Variants in CBLB observed in about 807,000 individuals in gnomAD.
The protein encoded by CBLB is Cbl proto-oncogene B.
Under a neutral mutation model 104.9 loss-of-function variants are expected in CBLB, and 31 were observed. The observed-to-expected ratio is 0.30, with a 90% CI of 0.22 to 0.40. The LOEUF (loss-of-function observed/expected upper bound fraction) is 0.40, where lower values mean the gene tolerates loss of function less well. Ranked by LOEUF, CBLB falls within the 10% of genes least tolerant of loss-of-function variation. CBLB has a pLI of 1.00. For synonymous variants in CBLB, 440 were observed against 422.6 expected (o/e 1.04, Z -0.51); for missense variants, 1,062 against 1,214.6 (o/e 0.87, Z 1.87).
intron 12 of CBLB, among the ~76,000 whole-genome samples, chr3:105,697,900 T>C (rs2068588856): frequency 6.6e-6 from 1 of 152,070 alleles, no homozygotes; most frequent in East Asian, 1.9e-4. Context: ...TGCAAGTTTT[T>C]AGTCATATTT....
chr3:105,708,693 C>T (rs1028681299), intron 10 of CBLB, among the ~76,000 whole-genome samples: 1 of 151,792 alleles, frequency 6.6e-6, no homozygotes, highest in Non-Finnish European at 1.5e-5. Context: ...GAAAATGTCA[C>T]CACCTATTGG....
At chr3:105,711,848 ACTGT>A (rs1559918610) in intron 10 of CBLB, among the ~76,000 whole-genome samples, 1 of 152,176 alleles carries the variant, frequency 6.6e-6, no homozygotes, top group East Asian at 1.9e-4. Flanking sequence ...AGGCTGAATT[ACTGT>A]CTATGTTCCA....
rs77081435 is a variant in CBLB, at chr3:105,722,309, C to T, written c.1204-2059G>A. ...AAGAATGGAAAGCAGTACTTTGAGA[C>T]GTACATAGTCTCATACATTTAAAAA... On this transcript the variant is annotated intron_variant, in intron 9 of 18. Coordinates refer to ENST00000394030, the MANE Select transcript of CBLB (RefSeq NM_170662.5). Among the ~76,000 whole-genome samples the T allele has an allele frequency of 6.0e-5, 9 of 151,254 alleles. No individual in the cohort carries two copies. In the East Asian group the frequency reaches 7.7e-4, roughly 13 times the overall value.
chr3:105,833,946 T>C (rs747112768), intron 3 of CBLB, among the ~76,000 whole-genome samples: 1 of 152,036 alleles, frequency 6.6e-6, no homozygotes, highest in Non-Finnish European at 1.5e-5. Context: ...TTCCAGACCT[T>C]AAGGTTGTCA....
At position 105,655,721 on chromosome 3, in the gene CBLB, C is replaced by T. The variant is rs2063296442; in HGVS notation, c.*3249G>A. On this transcript the variant is annotated 3_prime_UTR_variant, in exon 19 of 19. Coordinates refer to ENST00000394030, the MANE Select transcript of CBLB (RefSeq NM_170662.5). ...AAAATTCCAGGTCAACAGGTAGTACCTGAATTATTCAAGTATACTGTAATT... is the reference window on the plus strand; with the variant it reads ...AAAATTCCAGGTCAACAGGTAGTACTTGAATTATTCAAGTATACTGTAATT... The T allele has an allele frequency of 5.0e-6, 1 of 201,456 alleles. No homozygotes were observed. Among genetic ancestry groups the T allele is most frequent in the East Asian group, 7.6e-5 (1 of 13,110 alleles). The allele number at this position is 201,456 out of a possible 1,614,324, so 12.5% of individuals were successfully genotyped here.
At chr3:105,838,477 C>G (rs974205615) in intron 3 of CBLB, among the ~76,000 whole-genome samples, 2 of 151,364 alleles carry the variant, frequency 1.3e-5, no homozygotes, top group African/African-American at 4.9e-5. Flanking sequence ...GTTAGCTATG[C>G]CAGTAATAAG....
chr3:105,688,323 C>G (rs1163099462), intron 13 of CBLB, among the ~76,000 whole-genome samples: 1 of 151,852 alleles, frequency 6.6e-6, no homozygotes, highest in Non-Finnish European at 1.5e-5. Flanking sequence ...CATACACTCT[C>G]AAAGATGCAT....
rs191812888 is a variant in CBLB at position 105,656,128 on chromosome 3, G to T, written c.*2842C>A. ...TGGTGAGATATATCATACATTAGGG[G>T]ATAAAACAGATTATGGAGATAAATT... On this transcript the variant is annotated 3_prime_UTR_variant, in exon 19 of 19. Transcript: ENST00000394030. The T allele has an allele frequency of 3.4e-4, 76 of 220,754 alleles. 1 individual carries two copies. Among genetic ancestry groups the T allele is most frequent in the African/African-American group, 1.7e-3 (75 of 44,712 alleles). The allele number at this position is 220,754 out of a possible 1,614,324, so 13.7% of individuals were successfully genotyped here.
Position 105,681,798 on chromosome 3 carries a change from C to G in CBLB, c.2222G>C (p.Cys741Ser), listed in dbSNP as rs780194372. 2 of 1,606,976 alleles carry G rather than the reference C, an allele frequency of 1.2e-6. No individual in the cohort carries two copies. The highest frequency in any genetic ancestry group is 1.7e-5 in the Admixed American group (1 of 60,028). ...TGGACCATGTGTTCCATTCAGCATA[C>G]AGTGACCATTATCACAAGACCTAAA... ...PPVRSCDNGHCMLNGTHGPSS... is the reference protein window; with the variant it reads ...PPVRSCDNGHSMLNGTHGPSS... Residue 741 changes from cysteine (C) to serine (S), a missense_variant, in exon 15 of 19, where the codon TGT (cysteine) becomes TCT (serine). Cys to Ser is a moderately radical substitution (Grantham distance 112). Around this residue, in one of 2 missense-constraint regions of CBLB, gnomAD observed 605 missense variants for 582.6 expected, o/e 1.04. Transcript: ENST00000394030.
At chr3:105,854,252 C>T (rs752280676) in intron 2 of CBLB, among the ~76,000 whole-genome samples, 2 of 152,190 alleles carry the variant, frequency 1.3e-5, no homozygotes, top group Admixed American at 6.5e-5. Flanking sequence ...TGGCATATAA[C>T]GGTTCAGTCA....
chr3:105,737,931 G>T (rs2075130905), intron 7 of CBLB, among the ~76,000 whole-genome samples: 1 of 151,986 alleles, frequency 6.6e-6, no homozygotes, highest in African/African-American at 2.4e-5. Context: ...CTATTATCAG[G>T]GAAAACTGAA....
At position 105,746,018 on chromosome 3, in the gene CBLB, C is replaced by T. The variant is rs1381563812; in HGVS notation, c.744G>A (p.Arg248=). 5 of 1,607,190 alleles carry T rather than the reference C, an allele frequency of 3.1e-6. No individual in the cohort carries two copies. Among genetic ancestry groups the T allele is most frequent in the East Asian group, 2.2e-5 (1 of 44,806 alleles). The change falls in exon 6 of 19, where the codon CGG becomes CGA. Residue 248 remains arginine (R), a synonymous_variant. Transcript: ENST00000394030. ...GTGTCACAGCTAAGAAATTCCAATT[C>T]CGCAAAATAGAGCCCCAAGGCTAAA... ...RLFQPWGSIL[R]NWNFLAVTHP... is the part of the protein sequence containing the mutation.
In CBLB at chr3:105,662,653, T is replaced by C. The variant is rs529749992; in HGVS notation, c.2690-3424A>G. 2.0e-5 allele frequency among the ~76,000 whole-genome samples: 3 copies of C among 152,322 alleles called. No homozygotes were observed. The East Asian group carries it at 5.8e-4, about 29-fold the overall frequency. On this transcript the variant is annotated intron_variant, in intron 18 of 18. Coordinates refer to ENST00000394030, the MANE Select transcript of CBLB (RefSeq NM_170662.5). Reference sequence around the variant, plus strand: ...AATACAGATACACTAAGGAGTAAAATATAAAGTTTGCACAAATTTTTGAGA... The same window carrying C: ...AATACAGATACACTAAGGAGTAAAACATAAAGTTTGCACAAATTTTTGAGA...
rs1020203682 is a variant in CBLB, at chr3:105,769,346, A to G, written c.566+7050T>C. On this transcript the variant is annotated intron_variant, in intron 4 of 18. Transcript: ENST00000394030. ...AAAAAAAAATTATTATTGCCTAAAC[A>G]TTCCAGGAAACGTGTCAGGCTCAAA... Among the ~76,000 whole-genome samples, 5 of 152,112 alleles carry G rather than the reference A, an allele frequency of 3.3e-5. No homozygotes were observed. In the East Asian group the frequency reaches 9.6e-4, roughly 29 times the overall value.
upstream of CBLB, chr3:105,869,388 T>G (rs1252463116): frequency 2.2e-6 from 3 of 1,341,506 alleles, no homozygotes; most frequent in Non-Finnish European, 3.0e-6. Flanking sequence ...GCCAAAGCCA[T>G]CTGGGGCTGA....
chr3:105,794,636 C>T (rs917973756), intron 3 of CBLB, among the ~76,000 whole-genome samples: 1 of 152,186 alleles, frequency 6.6e-6, no homozygotes, highest in African/African-American at 2.4e-5. Context: ...TCCACTGAAA[C>T]TATGCGTACC....
chr3:105,765,642 G>A lies in CBLB; in HGVS notation c.566+10754C>T, dbSNP rs1010323624. On this transcript the variant is annotated intron_variant, in intron 4 of 18. Transcript: ENST00000394030. ...AAATCCTAGGTCCTTTAAGAATTAC[G>A]CTAAATCTACTCTTCCTGTGCTCTA... Among the ~76,000 whole-genome samples, 18 of 152,178 alleles carry A rather than the reference G, an allele frequency of 1.2e-4. No individual in the cohort carries two copies. In the South Asian group the frequency reaches 1.7e-3, roughly 14 times the overall value.
At chr3:105,760,483 C>T (rs2077511081) in intron 4 of CBLB, among the ~76,000 whole-genome samples, 1 of 152,122 alleles carries the variant, frequency 6.6e-6, no homozygotes, top group East Asian at 1.9e-4. Context: ...ATGGGTTATG[C>T]AAGATACCTT....
intron 3 of CBLB, among the ~76,000 whole-genome samples, chr3:105,782,374 A>T (rs1324339137): frequency 6.6e-6 from 1 of 152,138 alleles, no homozygotes. Context: ...TACTTTTTGG[A>T]TACTAAACTG....
Sources: gnomAD v4.1 joint callset for allele counts (sites outside exome capture counted in the v4.1 genomes callset) on GRCh38, gnomAD v4.1.1 for gene constraint, gnomAD v4.1.1 regional missense constraint, MANE v1.5 for transcripts, NCBI Gene and HGNC (gene_info 2026-07-23, HGNC 2026-07-21) for gene names.